HPSE2: variants seen among roughly 807,000 people sequenced by gnomAD.
The protein encoded by HPSE2 is heparanase 2 (inactive).
HPSE2 carries 38 observed loss-of-function variants against 60.5 expected under a neutral mutation model. The observed-to-expected ratio is 0.63, with a 90% CI of 0.48 to 0.82. The LOEUF (loss-of-function observed/expected upper bound fraction) is 0.82, where lower values mean the gene tolerates loss of function less well. Among genes scored for constraint, HPSE2 ranks in the 40% least tolerant of loss-of-function variants. HPSE2 has a pLI of 0.00. For synonymous variants in HPSE2, 295 were observed against 293.2 expected (o/e 1.01, Z -0.06); for missense variants, 713 against 740.4 (o/e 0.96, Z 0.43).
intron 2 of HPSE2, among the ~76,000 whole-genome samples, chr10:99,186,131 C>CACACAT (rs1554912921): frequency 6.0e-5 from 9 of 149,408 alleles, no homozygotes; most frequent in South Asian, 2.1e-4. Context: ...CACACACACA[C>CACACAT]ACACACACAC....
intron 3 of HPSE2, among the ~76,000 whole-genome samples, chr10:98,754,298 A>G (rs1949828007): frequency 6.6e-6 from 1 of 152,192 alleles, no homozygotes; most frequent in Non-Finnish European, 1.5e-5. Context: ...AGTCAATCAG[A>G]CAAACATAGG....
At chr10:99,286,442 A>G in the HPSE2 span, among the ~76,000 whole-genome samples, 1 of 152,220 alleles carries the variant, frequency 6.6e-6, no homozygotes, top group African/African-American at 2.4e-5. Flanking sequence ...ACATAAAAGG[A>G]CAAATATTGT....
chr10:98,555,115 G>A (rs1042976767), intron 9 of HPSE2, among the ~76,000 whole-genome samples: 2 of 152,158 alleles, frequency 1.3e-5, no homozygotes, highest in East Asian at 3.8e-4. Flanking sequence ...GCTTTAGGAG[G>A]TACTGGTTTA....
At chr10:98,510,935 A>C (rs1942368935) in intron 9 of HPSE2, among the ~76,000 whole-genome samples, 1 of 152,228 alleles carries the variant, frequency 6.6e-6, no homozygotes, top group African/African-American at 2.4e-5. Flanking sequence ...AGGAATTTGC[A>C]GACAACTTCA....
intron 3 of HPSE2, among the ~76,000 whole-genome samples, chr10:99,009,106 C>A (rs545477287): frequency 6.6e-6 from 1 of 151,874 alleles, no homozygotes; most frequent in East Asian, 1.9e-4. Flanking sequence ...GTTCTGAAGG[C>A]TATTAAAAGA....
intron 7 of HPSE2, among the ~76,000 whole-genome samples, chr10:98,628,983 T>C (rs1348866265): frequency 6.6e-6 from 1 of 152,206 alleles, no homozygotes; most frequent in Non-Finnish European, 1.5e-5. Context: ...TTGGGCTTCC[T>C]TTTCCTGTGT....
the HPSE2 span, among the ~76,000 whole-genome samples, chr10:99,277,159 G>A: frequency 1.4e-4 from 21 of 152,214 alleles, no homozygotes; most frequent in Admixed American, 2.6e-4. Context: ...AAGATATCCC[G>A]TGGGGATATA....
At chr10:98,834,775 GA>G (rs1951756732) in intron 3 of HPSE2, among the ~76,000 whole-genome samples, 2 of 152,088 alleles carry the variant, frequency 1.3e-5, no homozygotes, top group Non-Finnish European at 2.9e-5. Context: ...GCAACAGATT[GA>G]ATGTAAAAGC....
At chr10:99,093,406 G>T (rs989025764) in intron 3 of HPSE2, among the ~76,000 whole-genome samples, 12 of 151,952 alleles carry the variant, frequency 7.9e-5, no homozygotes, top group East Asian at 1.9e-4. Context: ...CATTCACGTG[G>T]TTTACGCAGC....
intron 2 of HPSE2, among the ~76,000 whole-genome samples, chr10:99,177,291 AT>A (rs976526124): frequency 6.6e-6 from 1 of 152,192 alleles, no homozygotes; most frequent in African/African-American, 2.4e-5. Flanking sequence ...TTAAATGTAA[AT>A]GAGCTGAATA....
chr10:98,867,649 C>A (rs1347811550), intron 3 of HPSE2, among the ~76,000 whole-genome samples: 1 of 152,160 alleles, frequency 6.6e-6, no homozygotes, highest in Non-Finnish European at 1.5e-5. Flanking sequence ...TGGATATACA[C>A]CCCAAAGAAA....
At chr10:99,004,523 A>G (rs573350581) in intron 3 of HPSE2, among the ~76,000 whole-genome samples, 1 of 152,192 alleles carries the variant, frequency 6.6e-6, no homozygotes, top group South Asian at 2.1e-4. Flanking sequence ...ATTAAAAAAA[A>G]CTAAACACTT....
rs1945863248 is a variant in HPSE2 at position 98,614,939 on chromosome 10, T to C, written c.1285A>G (p.Asn429Asp). The C allele has an allele frequency of 1.2e-6, 2 of 1,613,858 alleles. No homozygotes were observed. The highest frequency in any genetic ancestry group is 1.7e-6 in the Non-Finnish European group (2 of 1,179,860). ...IRHSFFDHGYNHLVDQNFNPL... is the reference protein window; with the variant it reads ...IRHSFFDHGYDHLVDQNFNPL... ...TTAAAATTCTGGTCCACGAGGTGAT[T>C]GTATCCATGGTCAAAAAATGAGTGC... The change falls in exon 9 of 12, where the codon AAT becomes GAT. Residue 429 changes from asparagine (N) to aspartate (D), a missense_variant. Physicochemically the swap from Asn to Asp is conservative, Grantham distance 23 (BLOSUM62 1). Transcript: ENST00000370552.
At chr10:98,997,112 C>CTTTTTTTTT (rs34434956) in intron 3 of HPSE2, among the ~76,000 whole-genome samples, 2 of 119,726 alleles carry the variant, frequency 1.7e-5, no homozygotes, top group African/African-American at 3.2e-5. Flanking sequence ...CAGACCCTTT[C>CTTTTTTTTT]TTTTTTTTTT....
chr10:98,539,130 GT>G (rs1943380411), intron 9 of HPSE2, among the ~76,000 whole-genome samples: 1 of 152,180 alleles, frequency 6.6e-6, no homozygotes, highest in Non-Finnish European at 1.5e-5. Flanking sequence ...GTTGCAATCA[GT>G]TTTTGGTCCT....
chr10:99,067,765 A>T (rs1178121313), intron 3 of HPSE2, among the ~76,000 whole-genome samples: 2 of 152,148 alleles, frequency 1.3e-5, no homozygotes, highest in Non-Finnish European at 2.9e-5. Context: ...TCCTGGAGAC[A>T]TTTTCCCCAT....
At chr10:98,850,312 TATA>T (rs1322491964) in intron 3 of HPSE2, among the ~76,000 whole-genome samples, 1 of 152,166 alleles carries the variant, frequency 6.6e-6, no homozygotes, top group Non-Finnish European at 1.5e-5. Flanking sequence ...AATTGAGAAG[TATA>T]GCCTAGAAGT....
At chr10:99,102,512 G>T (rs912563136) in intron 3 of HPSE2, among the ~76,000 whole-genome samples, 10 of 152,018 alleles carry the variant, frequency 6.6e-5, no homozygotes, top group South Asian at 2.1e-4. Context: ...CCAAAAAAAG[G>T]CCAGGACCAG....
chr10:98,576,906 TGCCAAAAAGCTTATCATGGTGAGTGCA>T (rs1944656523), intron 9 of HPSE2, among the ~76,000 whole-genome samples: 1 of 152,022 alleles, frequency 6.6e-6, no homozygotes. Flanking sequence ...TTAAAAAAAA[TGCCAAAAAGCTTATCATGGTGAGTGCA>T]GCTTCTCCCA....
Sources: gnomAD v4.1 joint callset for allele counts (sites outside exome capture counted in the v4.1 genomes callset) on GRCh38, gnomAD v4.1.1 for gene constraint, MANE v1.5 for transcripts, NCBI Gene and HGNC (gene_info 2026-07-23, HGNC 2026-07-21) for gene names.